Variants in ASPHD1 observed in about 807,000 individuals in gnomAD.
ASPHD1 encodes the protein aspartate beta-hydroxylase domain containing 1.
Under a neutral mutation model 28.3 loss-of-function variants are expected in ASPHD1, and 20 were observed. The ratio of observed to expected loss-of-function variants is 0.71; its 90% CI spans 0.50 to 1.03. ASPHD1 has a LOEUF of 1.03. Ranked by LOEUF, ASPHD1 falls within the 50% of genes least tolerant of loss-of-function variation. The pLI is 0.00. For synonymous variants in ASPHD1, 240 were observed against 221.2 expected, an observed-to-expected ratio of 1.08 and a Z score of -0.75; for missense variants, 479 against 524.1, an observed-to-expected ratio of 0.91 and a Z score of 0.84.
At position 29,911,936 on chromosome 16, in the gene ASPHD1, C is replaced by A. The variant is rs368331841; in HGVS notation, c.*62+5977C>A. On this transcript the variant is annotated intron_variant and NMD_transcript_variant, in intron 3 of 3. Coordinates refer to the ASPHD1 transcript ENST00000414952. ...GAGAGGCCCCCCCAGTGAGCCTCCA[C>A]CCTGCAGGGCTTGGGGGCCTCACCT... 1.6e-4 allele frequency: 252 copies of A among 1,609,890 alleles called. No individual in the cohort carries two copies. Among genetic ancestry groups the A allele is most frequent in the Non-Finnish European group, 2.0e-4 (237 of 1,178,522 alleles).
chr16:29,909,095 G>A (rs932108029), downstream of ASPHD1, among the ~76,000 whole-genome samples: 3 of 152,066 alleles, frequency 2.0e-5, no homozygotes, highest in Admixed American at 1.3e-4. Flanking sequence ...AGCTTCCACT[G>A]TGTGAAAAGG....
intron 1 of ASPHD1, among the ~76,000 whole-genome samples, chr16:29,903,931 A>T (rs1194762106): frequency 6.6e-6 from 1 of 152,028 alleles, no homozygotes; most frequent in East Asian, 1.9e-4. Context: ...AGCGCCTATC[A>T]CACAGTAAGC....
At chr16:29,906,955 G>T (rs779071828), downstream of ASPHD1, 3 of 1,614,170 alleles carry the variant, frequency 1.9e-6, no homozygotes, top group African/African-American at 4.0e-5. Flanking sequence ...CGGACACGGT[G>T]CTCTCGGTTC....
At chr16:29,912,427 C>A in intron 3 of ASPHD1, 1 of 298,026 alleles carries the variant, frequency 3.4e-6, no homozygotes, top group Non-Finnish European at 6.2e-6. Context: ...TACATCCTGC[C>A]TTTTGTGTTA....
At chr16:29,909,430 T>C (rs1477668052), downstream of ASPHD1, among the ~76,000 whole-genome samples, 2 of 152,202 alleles carry the variant, frequency 1.3e-5, no homozygotes, top group African/African-American at 4.8e-5. Flanking sequence ...TTGTGATGAC[T>C]GTGGTGTACC....
chr16:29,915,617 AAAG>A (rs977655860), intron 3 of ASPHD1, among the ~76,000 whole-genome samples: 1 of 152,028 alleles, frequency 6.6e-6, no homozygotes, highest in Admixed American at 6.6e-5. Flanking sequence ...AAAAAAAAAA[AAAG>A]AAAAGAAAAA....
Position 29,900,957 on chromosome 16 carries a change from G to A in ASPHD1, c.-15G>A. 1 of 1,549,914 alleles carries A rather than the reference G, an allele frequency of 6.5e-7. No individual in the cohort carries two copies. The highest frequency in any genetic ancestry group is 8.7e-7 in the Non-Finnish European group (1 of 1,145,782). On this transcript the variant is annotated 5_prime_UTR_variant, in exon 1 of 3. Coordinates refer to ENST00000308748, the MANE Select transcript of ASPHD1 (RefSeq NM_181718.4). ...GAGAAAGGGGAGAGAAAGGAGAGAG[G>A]AGGGTTGGAGGTGCATGAAGGAGGG...
intron 3 of ASPHD1, among the ~76,000 whole-genome samples, chr16:29,919,123 G>A (rs905525053): frequency 6.6e-6 from 1 of 152,140 alleles, no homozygotes; most frequent in African/African-American, 2.4e-5. Context: ...CTACAGTCTG[G>A]TTTACAGGAA....
In ASPHD1 at chr16:29,905,950, C is replaced by T. The variant is rs994360930; in HGVS notation, c.*53C>T. 11 of 1,092,154 alleles carry T rather than the reference C, an allele frequency of 1.0e-5. No homozygotes were observed. The highest frequency in any genetic ancestry group is 1.6e-5 in the African/African-American group (1 of 61,094). 67.7% of individuals were successfully genotyped at this position (1,092,154 alleles called of 1,614,324 possible). A position where few individuals can be genotyped will look rare whatever the true frequency, so the allele number is the denominator to read the frequency against. On this transcript the variant is annotated 3_prime_UTR_variant, in exon 3 of 3. Transcript: ENST00000308748. ...GCTGGAGAGACACTGCGCTCAGGGA[C>T]GGCTTGATGGTAGCCAGGACCTCCT...
Position 29,901,147 on chromosome 16 carries a change from G to C in ASPHD1, c.176G>C (p.Gly59Ala). The C allele has an allele frequency of 6.2e-7, 1 of 1,611,168 alleles. No homozygotes were observed. The change falls in exon 1 of 3, where the codon GGC becomes GCC. Residue 59 changes from glycine (G) to alanine (A), a missense_variant. Gly to Ala is a moderately conservative substitution (Grantham distance 60). Coordinates refer to ENST00000308748, the MANE Select transcript of ASPHD1 (RefSeq NM_181718.4). The surrounding 1 kb of genome is among the most constrained non-coding windows in gnomAD (Gnocchi z 5.1). ...QGNWGPEDAP[G>A]LLARASLIML... is the part of the protein sequence containing the mutation. Reference sequence around the variant, plus strand: ...AACTGGGGTCCGGAGGACGCCCCAGGCCTCTTGGCCAGGGCCTCCCTGATC... The same window carrying C: ...AACTGGGGTCCGGAGGACGCCCCAGCCCTCTTGGCCAGGGCCTCCCTGATC...
At chr16:29,913,596 G>A (rs1311550917) in intron 3 of ASPHD1, 1 of 152,210 alleles carries the variant, frequency 6.6e-6, no homozygotes, top group African/African-American at 2.4e-5. Flanking sequence ...GGTCTCTTCT[G>A]AGGCTGTGGC....
intron 2 of ASPHD1, 89 bp from the exon 3 acceptor site, chr16:29,905,699 A>T: frequency 1.4e-6 from 1 of 728,004 alleles, no homozygotes; most frequent in Non-Finnish European, 2.4e-6. Flanking sequence ...CCACTTATTT[A>T]CTGTTTGCTT....
intron 1 of ASPHD1, among the ~76,000 whole-genome samples, chr16:29,902,554 C>T (rs1162516042): frequency 2.6e-5 from 4 of 152,244 alleles, no homozygotes; most frequent in South Asian, 2.1e-4. Flanking sequence ...GTCGCCCAGG[C>T]GAGAGTGCAG....
intron 3 of ASPHD1, chr16:29,912,203 C>G (rs1043691977): frequency 1.2e-5 from 8 of 653,570 alleles, no homozygotes; most frequent in Admixed American, 2.9e-5. Flanking sequence ...CTCTGCCACT[C>G]TCCCTTTGCT....
At chr16:29,903,872 G>A (rs1258568323) in intron 1 of ASPHD1, among the ~76,000 whole-genome samples, 2 of 152,108 alleles carry the variant, frequency 1.3e-5, no homozygotes, top group South Asian at 2.1e-4. Flanking sequence ...ACTCAGCCAT[G>A]TGGTCCTTGG....
At chr16:29,906,734 G>T, downstream of ASPHD1, 1 of 720,104 alleles carries the variant, frequency 1.4e-6, no homozygotes, top group Non-Finnish European at 2.4e-6. Flanking sequence ...GGGCCAAAGT[G>T]AGCTGTGCCA....
chr16:29,900,823 GA>G lies in ASPHD1; in HGVS notation c.-148del, dbSNP rs965100704. The G allele has an allele frequency of 1.4e-6, 1 of 712,920 alleles. No homozygotes were observed. The highest frequency in any genetic ancestry group is 2.3e-6 in the Non-Finnish European group (1 of 431,284). 44.2% of individuals were successfully genotyped at this position (712,920 alleles called of 1,614,324 possible). On this transcript the variant is annotated 5_prime_UTR_variant, in exon 1 of 3. Transcript: ENST00000308748. ...AGCGGGGGTGGGGAGGAAAGGGGGA[GA>G]TTGAGGTGGGAGAGAGAAGCAGAGC...
In ASPHD1 at chr16:29,906,005, G is replaced by GT; in HGVS notation, c.*108_*109insT. 1 of 465,160 alleles carries GT rather than the reference G, an allele frequency of 2.1e-6. No homozygotes were observed. The highest frequency in any genetic ancestry group is 4.0e-6 in the Non-Finnish European group (1 of 252,752). The allele number at this position is 465,160 out of a possible 1,614,324, so 28.8% of individuals were successfully genotyped here. A position where few individuals can be genotyped will look rare whatever the true frequency, so the allele number is the denominator to read the frequency against. ...ACTGCGGGGGTGGGCGGGGGCGGAG[G>GT]ATGGGAACTGGCTAGTGAGCACTGA... is the stretch of plus-strand genomic sequence containing the variant. On this transcript the variant is annotated 3_prime_UTR_variant, in exon 3 of 3. Transcript: ENST00000308748.
In ASPHD1 at chr16:29,911,694, C is replaced by A. The variant is rs572857694; in HGVS notation, c.*62+5735C>A. 1.5e-5 allele frequency: 16 copies of A among 1,045,572 alleles called. No individual in the cohort carries two copies. The African/African-American group carries it at 2.2e-4, about 14-fold the overall frequency. The allele number at this position is 1,045,572 out of a possible 1,614,324, so 64.8% of individuals were successfully genotyped here. On this transcript the variant is annotated intron_variant and NMD_transcript_variant, in intron 3 of 3. Coordinates refer to the ASPHD1 transcript ENST00000414952. Reference sequence around the variant, plus strand: ...TCAGGGGTAAGAGGCGAAGCCGAATCTGCGAGCAGGCACAGATGTTCTTGT... The same window carrying A: ...TCAGGGGTAAGAGGCGAAGCCGAATATGCGAGCAGGCACAGATGTTCTTGT...
Sources: gnomAD v4.1 joint callset for allele counts (sites outside exome capture counted in the v4.1 genomes callset) on GRCh38, gnomAD v4.1.1 for gene constraint, Gnocchi (gnomAD v3.1) non-coding constraint, MANE v1.5 for transcripts, NCBI Gene and HGNC (gene_info 2026-07-23, HGNC 2026-07-21) for gene names.